Variants in DTHD1 observed in about 807,000 individuals in gnomAD.
The protein encoded by DTHD1 is death domain-containing protein 1.
In DTHD1, 59 loss-of-function variants were observed where a neutral mutation model predicts 74.8. The observed-to-expected ratio is 0.79, with a 90% CI of 0.64 to 0.98. The LOEUF is 0.98. DTHD1 is among the 50% of genes least tolerant of loss of function. The pLI is 0.00. For missense variants in DTHD1, 1,051 were observed against 1,065.4 expected, an observed-to-expected ratio of 0.99 and a Z score of 0.19; for synonymous variants, 365 against 371.1, an observed-to-expected ratio of 0.98 and a Z score of 0.19.
chr4:36,283,716 T>G, intron 1 of DTHD1: 1 of 451,748 alleles, frequency 2.2e-6, no homozygotes, highest in Non-Finnish European at 3.9e-6. Context: ...CTTTAAATAT[T>G]CGAAGTATCT....
At position 36,345,150 on chromosome 4, in the gene DTHD1, A is replaced by G. The variant is rs1409469826; in HGVS notation, c.*1326A>G. ...AACCTGCTTTAAAATTAGTTAACAG[A>G]AGCCTTATTACATAAGCCCTAGATA... On this transcript the variant is annotated 3_prime_UTR_variant, in exon 10 of 10. Coordinates refer to ENST00000639862, the MANE Select transcript of DTHD1 (RefSeq NM_001170700.3). The G allele has an allele frequency of 6.6e-6, 1 of 152,186 alleles. No individual in the cohort carries two copies. Among genetic ancestry groups the G allele is most frequent in the Admixed American group, 6.5e-5 (1 of 15,276 alleles). 9.4% of individuals were successfully genotyped at this position (152,186 alleles called of 1,614,324 possible).
Position 36,281,950 on chromosome 4 carries a change from C to T in DTHD1, c.192C>T (p.His64=), listed in dbSNP as rs1755423990. The T allele has an allele frequency of 1.4e-6, 2 of 1,396,002 alleles. No homozygotes were observed. Among genetic ancestry groups the T allele is most frequent in the Non-Finnish European group, 9.4e-7 (1 of 1,065,954 alleles). 86.5% of individuals were successfully genotyped at this position (1,396,002 alleles called of 1,614,324 possible). ...LSSALHQLLE[H]TSGTLRSTCQ... is the part of the protein sequence containing the mutation. ...GTGCCCTTCACCAGCTGCTGGAGCACACCTCAGGCACCCTGCGTTCCACCT... is the reference window on the plus strand; with the variant it reads ...GTGCCCTTCACCAGCTGCTGGAGCATACCTCAGGCACCCTGCGTTCCACCT... Residue 64 remains histidine (H), a synonymous_variant, in exon 1 of 10, where the codon CAC becomes CAT. Coordinates refer to ENST00000639862, the MANE Select transcript of DTHD1 (RefSeq NM_001170700.3).
Position 36,308,472 on chromosome 4 carries a change from A to G in DTHD1, c.2074A>G (p.Thr692Ala). The part of the protein sequence containing the change: ...REGEQLLLRF[T>A]GNIFASSNGK... The stretch of plus-strand genomic sequence containing the variant: ...AGGAGAACAACTTCTTTTAAGATTT[A>G]CTGGAAACATATTTGCTTCAAGTAA... The change falls in exon 7 of 10, where the codon ACT becomes GCT. Residue 692 changes from threonine to alanine, a missense_variant. Physicochemically the swap from Thr to Ala is moderately conservative, Grantham distance 58. Coordinates refer to ENST00000639862, the MANE Select transcript of DTHD1 (RefSeq NM_001170700.3). 6.4e-7 allele frequency: 1 copy of G among 1,551,102 alleles called. No homozygotes were observed. The highest frequency in any genetic ancestry group is 8.7e-7 in the Non-Finnish European group (1 of 1,146,592).
intron 9 of DTHD1, among the ~76,000 whole-genome samples, chr4:36,342,841 C>T (rs141415109): frequency 8.2e-5 from 12 of 146,432 alleles, no homozygotes; most frequent in South Asian, 4.3e-4. Context: ...TTTGGGAGGC[C>T]GAGGTGGGCA....
intron 8 of DTHD1, among the ~76,000 whole-genome samples, chr4:36,329,399 A>G (rs1260890596): frequency 6.6e-6 from 1 of 152,200 alleles, no homozygotes; most frequent in Non-Finnish European, 1.5e-5. Flanking sequence ...TTCTATCCAT[A>G]TGGTGACATC....
At chr4:36,338,802 C>A (rs181166711) in intron 8 of DTHD1, among the ~76,000 whole-genome samples, 22 of 152,108 alleles carry the variant, frequency 1.4e-4, no homozygotes, top group Admixed American at 1.0e-3. Flanking sequence ...GCTTGCTCTA[C>A]GCTAGTTGGT....
At chr4:36,295,817 G>C (rs1756361238) in intron 5 of DTHD1, among the ~76,000 whole-genome samples, 1 of 152,036 alleles carries the variant, frequency 6.6e-6, no homozygotes. Context: ...AACAAGCTGA[G>C]ATGAAAAGGG....
intron 7 of DTHD1, among the ~76,000 whole-genome samples, chr4:36,313,304 T>C (rs957212327): frequency 6.1e-4 from 93 of 152,220 alleles, no homozygotes; most frequent in Middle Eastern, 3.4e-3. Flanking sequence ...ACTTAAGATA[T>C]TGAGAAAAAG....
In DTHD1 at chr4:36,290,658, TTACC is replaced by T. The variant is rs1224514178; in HGVS notation, c.1176_1179del (p.Tyr392Ter). 2 of 1,545,538 alleles carry T rather than the reference TTACC, an allele frequency of 1.3e-6. No homozygotes were observed. The highest frequency in any genetic ancestry group is 3.9e-5 in the Admixed American group (2 of 50,974). On this transcript the variant is annotated frameshift_variant, in exon 3 of 10. Transcript: ENST00000639862. LOFTEE classifies it high-confidence loss of function. ...TGTGTGACATAAACCTTCAATCAAGTTACCTAAACCCAAATTCACTAGAAGGAAT... is the reference window on the plus strand; with the variant it reads ...TGTGTGACATAAACCTTCAATCAAGTTAAACCCAAATTCACTAGAAGGAAT...
intron 8 of DTHD1, chr4:36,333,948 T>C (rs575794005): frequency 6.6e-6 from 1 of 152,330 alleles, no homozygotes; most frequent in South Asian, 2.1e-4. Context: ...ATCTGCGTGA[T>C]TCCTGTGAGG....
intron 8 of DTHD1, among the ~76,000 whole-genome samples, chr4:36,337,582 T>C (rs2109573104): frequency 6.6e-6 from 1 of 152,366 alleles, no homozygotes; most frequent in South Asian, 2.1e-4. Context: ...AAACACATAG[T>C]TGATGCCTTG....
At chr4:36,301,838 C>G (rs978676314) in intron 5 of DTHD1, among the ~76,000 whole-genome samples, 1 of 151,420 alleles carries the variant, frequency 6.6e-6, no homozygotes, top group Non-Finnish European at 1.5e-5. Context: ...TGAAACGTTT[C>G]TGTTGGGTTT....
intron 5 of DTHD1, among the ~76,000 whole-genome samples, chr4:36,300,709 A>G (rs1006670867): frequency 1.3e-5 from 2 of 152,214 alleles, no homozygotes; most frequent in African/African-American, 4.8e-5. Context: ...TCTACCTAAG[A>G]AGGAAATGAT....
chr4:36,313,664 C>A (rs1757530118), intron 7 of DTHD1, among the ~76,000 whole-genome samples: 2 of 151,978 alleles, frequency 1.3e-5, no homozygotes, highest in Non-Finnish European at 2.9e-5. Flanking sequence ...AGAGAGTTGC[C>A]CTAGAGGTCT....
At chr4:36,309,317 G>A (rs1757244797) in intron 7 of DTHD1, among the ~76,000 whole-genome samples, 1 of 152,116 alleles carries the variant, frequency 6.6e-6, no homozygotes, top group African/African-American at 2.4e-5. Context: ...GTCGGGTGTG[G>A]TGGCAGGTGC....
At chr4:36,342,830 C>T (rs896382377) in intron 9 of DTHD1, among the ~76,000 whole-genome samples, 1 of 147,604 alleles carries the variant, frequency 6.8e-6, no homozygotes, top group Admixed American at 7.0e-5. Context: ...AATCCCAGCA[C>T]TTTGGGAGGC....
At chr4:36,283,797 T>C in intron 1 of DTHD1, 179 bp from the exon 2 acceptor site, 1 of 583,592 alleles carries the variant, frequency 1.7e-6, no homozygotes, top group Non-Finnish European at 3.0e-6. Context: ...ATCCTACAAT[T>C]GTTAAAAGAG....
At chr4:36,294,327 CAT>C (rs1756262118) in intron 4 of DTHD1, among the ~76,000 whole-genome samples, 1 of 151,788 alleles carries the variant, frequency 6.6e-6, no homozygotes, top group Non-Finnish European at 1.5e-5. Context: ...AGGAAGAAAA[CAT>C]ATAATAAATA....
In DTHD1 at chr4:36,291,560, G is replaced by A. The variant is rs1012562097; in HGVS notation, c.1218+857G>A. Among the ~76,000 whole-genome samples, 3 of 152,208 alleles carry A rather than the reference G, an allele frequency of 2.0e-5. No individual in the cohort carries two copies. In the East Asian group the frequency reaches 5.8e-4, roughly 29 times the overall value. ...ATTTAGTATGGAGGCCAGGCGTGGT[G>A]GCTTAGGCCTGTAATCTCAGCGCTT... On this transcript the variant is annotated intron_variant, in intron 3 of 9. Coordinates refer to ENST00000639862, the MANE Select transcript of DTHD1 (RefSeq NM_001170700.3).
Sources: allele counts gnomAD v4.1 joint callset (sites outside exome capture counted in the v4.1 genomes callset), GRCh38; gene constraint gnomAD v4.1.1; transcripts MANE v1.5; gene names NCBI Gene and HGNC (gene_info 2026-07-23, HGNC 2026-07-21).